Variants in EFCAB5 observed in about 807,000 individuals in gnomAD.
The protein encoded by EFCAB5 is EF-hand calcium-binding domain-containing protein 5.
EFCAB5 carries 131 observed loss-of-function variants against 167.9 expected under a neutral mutation model. The ratio of observed to expected loss-of-function variants is 0.78; its 90% CI spans 0.68 to 0.90. The LOEUF is 0.90. Among genes scored for constraint, EFCAB5 ranks in the 40% least tolerant of loss-of-function variants. The probability of loss-of-function intolerance (pLI) is 0.00; values close to 1 mark genes in which losing one functional copy is unlikely to be tolerated. For synonymous variants in EFCAB5, 574 were observed against 602.8 expected (o/e 0.95, Z 0.70); for missense variants, 1,663 against 1,745.2 (o/e 0.95, Z 0.84).
intron 1 of EFCAB5, among the ~76,000 whole-genome samples, chr17:29,933,191 G>C (rs764678523): frequency 2.6e-5 from 4 of 152,192 alleles, no homozygotes; most frequent in Non-Finnish European, 5.9e-5. Context: ...ACCTCGGCTA[G>C]GCGCGAAAGG....
chr17:30,102,820 C>T (rs2071399072), intron 22 of EFCAB5, among the ~76,000 whole-genome samples: 2 of 149,658 alleles, frequency 1.3e-5, no homozygotes, highest in South Asian at 4.2e-4. Context: ...GGACTAAGGA[C>T]TTTTCTTTTT....
At chr17:29,968,300 T>C (rs896530705) in intron 3 of EFCAB5, 7 of 453,460 alleles carry the variant, frequency 1.5e-5, no homozygotes, top group Non-Finnish European at 3.1e-5. Context: ...ATACTATTCA[T>C]AGTAATCCCA....
chr17:30,100,903 A>T (rs767365998), intron 22 of EFCAB5, among the ~76,000 whole-genome samples: 14 of 152,380 alleles, frequency 9.2e-5, no homozygotes, highest in Admixed American at 2.6e-4. Context: ...CAGGCAGAGA[A>T]AACAGCCAAA....
chr17:30,048,868 C>T (rs188856011), intron 8 of EFCAB5, among the ~76,000 whole-genome samples: 15 of 152,272 alleles, frequency 9.9e-5, no homozygotes, highest in African/African-American at 3.4e-4. Context: ...ATCAAATTGA[C>T]GTAGCTCTCT....
intron 22 of EFCAB5, among the ~76,000 whole-genome samples, chr17:30,103,414 A>G (rs2071405907): frequency 6.6e-6 from 1 of 152,042 alleles, no homozygotes; most frequent in Non-Finnish European, 1.5e-5. Flanking sequence ...TATTGTATAG[A>G]AATTATGTGA....
rs553388948 is a variant in EFCAB5, at chr17:29,996,155, T to G, written c.925-157T>G. 4 of 566,682 alleles carry G rather than the reference T, an allele frequency of 7.1e-6. No individual in the cohort carries two copies. In the African/African-American group the frequency reaches 7.5e-5, roughly 11 times the overall value. 35.1% of individuals were successfully genotyped at this position (566,682 alleles called of 1,614,324 possible). ...TTTTTGAAGACCCCCTTGTAGAAAGTATATGTGACTTATTACTATTTCTGT... is the reference window on the plus strand; with the variant it reads ...TTTTTGAAGACCCCCTTGTAGAAAGGATATGTGACTTATTACTATTTCTGT... On this transcript the variant is annotated intron_variant, in intron 5 of 22. Transcript: ENST00000394835.
intron 7 of EFCAB5, among the ~76,000 whole-genome samples, chr17:30,002,959 A>C (rs2068693665): frequency 6.6e-6 from 1 of 152,160 alleles, no homozygotes; most frequent in South Asian, 2.1e-4. Flanking sequence ...TCAGTAGGTA[A>C]AGTATTGTTT....
At chr17:29,975,752 G>C (rs2068052304) in intron 4 of EFCAB5, among the ~76,000 whole-genome samples, 1 of 152,136 alleles carries the variant, frequency 6.6e-6, no homozygotes, top group Admixed American at 6.5e-5. Context: ...GTTGAAACAG[G>C]CTTTCTAAGA....
intron 18 of EFCAB5, among the ~76,000 whole-genome samples, chr17:30,084,151 C>T (rs866302907): frequency 6.6e-6 from 1 of 152,192 alleles, no homozygotes; most frequent in Non-Finnish European, 1.5e-5. Flanking sequence ...TCCTTTTTCC[C>T]ACCAGGTCCC....
intron 7 of EFCAB5, among the ~76,000 whole-genome samples, chr17:30,002,515 A>G (rs1057164443): frequency 1.3e-4 from 20 of 152,226 alleles, no homozygotes; most frequent in Admixed American, 4.6e-4. Flanking sequence ...CACTTTGCCA[A>G]TTAAAACATC....
chr17:29,932,449 C>CTTTTTT (rs35262851), intron 1 of EFCAB5, among the ~76,000 whole-genome samples: 10 of 66,746 alleles, frequency 1.5e-4, no homozygotes, highest in East Asian at 5.6e-4. Context: ...CTGTGCCCGG[C>CTTTTTT]TTTTTTTTTT....
At position 30,073,737 on chromosome 17, in the gene EFCAB5, A is replaced by G. The variant is rs2070804095; in HGVS notation, c.2738-4478A>G. The G allele has an allele frequency of 5.7e-6, 4 of 705,526 alleles. No individual in the cohort carries two copies. In the East Asian group the frequency reaches 1.1e-4, roughly 19 times the overall value. The allele number at this position is 705,526 out of a possible 1,614,324, so 43.7% of individuals were successfully genotyped here. On this transcript the variant is annotated intron_variant, in intron 14 of 22. Coordinates refer to ENST00000394835, the MANE Select transcript of EFCAB5 (RefSeq NM_198529.4). ...GTGTATATTTGCTGAGTTTTGACAA[A>G]TACATGCCCTATGCATCCCATACTC...
intron 5 of EFCAB5, among the ~76,000 whole-genome samples, chr17:29,995,918 G>A (rs2068533330): frequency 6.6e-6 from 1 of 152,012 alleles, no homozygotes; most frequent in African/African-American, 2.4e-5. Context: ...CATTCTTCCC[G>A]CCAAGCTTCA....
At chr17:29,964,692 G>GT (rs1305663578) in intron 3 of EFCAB5, among the ~76,000 whole-genome samples, 1 of 148,274 alleles carries the variant, frequency 6.7e-6, no homozygotes, top group Non-Finnish European at 1.5e-5. Context: ...CTTTGCTAAT[G>GT]TTTTTTTCAG....
chr17:30,091,799 C>G, intron 20 of EFCAB5, 72 bp from the exon 21 acceptor site: 1 of 1,507,028 alleles, frequency 6.6e-7, no homozygotes, highest in South Asian at 1.3e-5. Context: ...GTTCAGAATC[C>G]TATGAAAAAG....
In EFCAB5 at chr17:30,045,018, A is replaced by G. The variant is rs2069881678; in HGVS notation, c.1201-6100A>G. ...ACAATACCACTGATGAATCTCAAAA[A>G]TACTATGCTAAGTGAAAGAAGGCAG... On this transcript the variant is annotated intron_variant, in intron 8 of 22. Coordinates refer to ENST00000394835, the MANE Select transcript of EFCAB5 (RefSeq NM_198529.4). Among the ~76,000 whole-genome samples the G allele has an allele frequency of 3.3e-5, 5 of 152,214 alleles. No homozygotes were observed. The South Asian group carries it at 1.0e-3, about 31-fold the overall frequency.
At chr17:30,048,263 G>A (rs1274059866) in intron 8 of EFCAB5, among the ~76,000 whole-genome samples, 5 of 151,820 alleles carry the variant, frequency 3.3e-5, no homozygotes, top group Non-Finnish European at 7.4e-5. Context: ...CTCCATTTTG[G>A]GAACTGAGGA....
chr17:29,983,951 C>G (rs2068228519), intron 4 of EFCAB5, among the ~76,000 whole-genome samples: 1 of 151,958 alleles, frequency 6.6e-6, no homozygotes, highest in Admixed American at 6.6e-5. Flanking sequence ...GGGAAAATGA[C>G]AGAAAACCAA....
In EFCAB5 at chr17:30,051,104, T is replaced by C; in HGVS notation, c.1201-14T>C. Reference sequence around the variant, plus strand: ...TCCTGTAACAACTAATCACAAACTTTCTTCTTTGCTTAGGTAGGGTTTTTG... The same window carrying C: ...TCCTGTAACAACTAATCACAAACTTCCTTCTTTGCTTAGGTAGGGTTTTTG... On this transcript the variant is annotated splice_polypyrimidine_tract_variant and intron_variant, in intron 8 of 22. Transcript: ENST00000394835. 1 of 1,612,726 alleles carries C rather than the reference T, an allele frequency of 6.2e-7. No individual in the cohort carries two copies. Among genetic ancestry groups the C allele is most frequent in the Non-Finnish European group, 8.5e-7 (1 of 1,178,998 alleles).
Sources: allele counts gnomAD v4.1 joint callset (sites outside exome capture counted in the v4.1 genomes callset), GRCh38; gene constraint gnomAD v4.1.1; transcripts MANE v1.5; gene names NCBI Gene and HGNC (gene_info 2026-07-23, HGNC 2026-07-21).